HAGHL: variants seen among roughly 807,000 people sequenced by gnomAD.
HAGHL encodes the protein hydroxyacylglutathione hydrolase like, also known as hydroxyacylglutathione hydrolase-like protein.
HAGHL carries 27 observed loss-of-function variants against 29.2 expected under a neutral mutation model. The observed-to-expected ratio is 0.92, with a 90% CI of 0.68 to 1.27. HAGHL has a LOEUF of 1.27. Among genes scored for constraint, HAGHL ranks in the 50% most tolerant of loss-of-function variants. The pLI is 0.00. For synonymous variants in HAGHL, 223 were observed against 185.7 expected (o/e 1.20, Z -1.63); for missense variants, 529 against 405.5 (o/e 1.30, Z -2.62).
At chr16:728,927 TG>T (rs747918697) in intron 6 of HAGHL, 32 bp downstream of exon 6, 133 of 235,638 alleles carry the variant, frequency 5.6e-4, no homozygotes, top group Middle Eastern at 3.2e-3. Context: ...GGCAAGAGGG[TG>T]GGGGGGGAGG....
chr16:729,471 C>T lies in HAGHL; in HGVS notation c.*15C>T. ...CACACGACTGAGCCACCCAGACCCT[C>T]ACAGGGCTGGGGCCTGCGTCCCTCC... On this transcript the variant is annotated 3_prime_UTR_variant, in exon 8 of 8. Transcript: ENST00000389703. The T allele has an allele frequency of 1.3e-6, 2 of 1,539,570 alleles. No homozygotes were observed. Among genetic ancestry groups the T allele is most frequent in the Non-Finnish European group, 1.7e-6 (2 of 1,146,170 alleles).
Position 729,421 on chromosome 16 carries a change from C to T in HAGHL, c.814C>T (p.Gln272Ter), listed in dbSNP as rs2041237401. 6.5e-7 allele frequency: 1 copy of T among 1,532,254 alleles called. No homozygotes were observed. The highest frequency in any genetic ancestry group is 8.7e-7 in the Non-Finnish European group (1 of 1,143,204). 94.9% of individuals were successfully genotyped at this position (1,532,254 alleles called of 1,614,324 possible). A position where few individuals can be genotyped will look rare whatever the true frequency, so the allele number is the denominator to read the frequency against. The change falls in exon 8 of 8, where the codon CAG becomes TAG. Residue 272 changes from glutamine to a stop codon, truncating the protein, a stop_gained. Coordinates refer to ENST00000389703, the MANE Select transcript of HAGHL (RefSeq NM_032304.4). LOFTEE classifies it high-confidence loss of function. ...QPQARALLAL[Q>*]WGLLSAAPHD ...ACAGGCGCGGGCCCTCCTTGCGCTGCAGTGGGGGCTCCTGAGTGCAGCCCC... is the reference window on the plus strand; with the variant it reads ...ACAGGCGCGGGCCCTCCTTGCGCTGTAGTGGGGGCTCCTGAGTGCAGCCCC...
chr16:729,528 G>A lies in HAGHL; in HGVS notation c.*72G>A, dbSNP rs967636456. On this transcript the variant is annotated 3_prime_UTR_variant, in exon 8 of 8. Transcript: ENST00000389703. ...CCTCGGCCAGCTGGACCCACATGAG[G>A]GCCACCTCTGGAACCTTCTTCGAGG... 5.9e-6 allele frequency: 9 copies of A among 1,534,592 alleles called. No individual in the cohort carries two copies. The highest frequency in any genetic ancestry group is 1.4e-5 in the African/African-American group (1 of 72,962).
At position 728,396 on chromosome 16, in the gene HAGHL, T is replaced by G. The variant is rs1443842598; in HGVS notation, c.369T>G (p.Asp123Glu). 5.7e-6 allele frequency: 9 copies of G among 1,573,274 alleles called. No individual in the cohort carries two copies. Among genetic ancestry groups the G allele is most frequent in the Non-Finnish European group, 7.7e-6 (9 of 1,163,402 alleles). The part of the protein sequence containing the change: ...GHMSYFLWED[D>E]CPDPPALFSG... ...TGAGCTACTTCCTGTGGGAGGACGATTGCCCGGACCCACCCGCCCTGTTCT... is the reference window on the plus strand; with the variant it reads ...TGAGCTACTTCCTGTGGGAGGACGAGTGCCCGGACCCACCCGCCCTGTTCT... Residue 123 changes from aspartate to glutamate, a missense_variant, in exon 4 of 8, where the codon GAT (aspartate) becomes GAG (glutamate). Transcript: ENST00000389703.
In HAGHL at chr16:728,834, A is replaced by G. The variant is rs773681350; in HGVS notation, c.539A>G (p.Glu180Gly). ...CACGAGCACACGCTTAGCAACCTGG[A>G]GTTTGCCCAGAAAGTGGAGCCCTGC... ...CGHEHTLSNLEFAQKVEPCND... is the reference protein window; with the variant it reads ...CGHEHTLSNLGFAQKVEPCND... The change falls in exon 6 of 8, where the codon GAG becomes GGG. Residue 180 changes from glutamate (E) to glycine (G), a missense_variant. Coordinates refer to ENST00000389703, the MANE Select transcript of HAGHL (RefSeq NM_032304.4). 1.3e-6 allele frequency: 2 copies of G among 1,599,914 alleles called. No homozygotes were observed. The highest frequency in any genetic ancestry group is 1.7e-5 in the Admixed American group (1 of 59,328).
intron 2 of HAGHL, 36 bp downstream of exon 2, chr16:728,065 G>C (rs2041124399): frequency 6.4e-7 from 1 of 1,560,990 alleles, no homozygotes; most frequent in African/African-American, 1.4e-5. Flanking sequence ...GCACGAGGAC[G>C]CCGCCTTGTC....
rs1567333709 is a variant in HAGHL at position 727,584 on chromosome 16, G to GGTGGCC, written c.80_85dup (p.Ala27_Val28dup). ...TCATCGAGGAGCTCACGCGCGAGGCGGTGGCCGTGGACGTGGCTGTGCCCA... is the reference window on the plus strand; with the variant it reads ...TCATCGAGGAGCTCACGCGCGAGGCGGTGGCCGTGGCCGTGGACGTGGCTGTGCCCA... On this transcript the variant is annotated inframe_insertion, in exon 1 of 8. Transcript: ENST00000389703. 1 of 1,611,366 alleles carries GGTGGCC rather than the reference G, an allele frequency of 6.2e-7. No homozygotes were observed. The highest frequency in any genetic ancestry group is 2.2e-5 in the East Asian group (1 of 44,804).
chr16:727,299 T>G lies in HAGHL; in HGVS notation c.-211T>G. 2.0e-6 allele frequency: 1 copy of G among 499,672 alleles called. No individual in the cohort carries two copies. The highest frequency in any genetic ancestry group is 3.6e-5 in the East Asian group (1 of 27,806). 31.0% of individuals were successfully genotyped at this position (499,672 alleles called of 1,614,324 possible). A position where few individuals can be genotyped will look rare whatever the true frequency, so the allele number is the denominator to read the frequency against. On this transcript the variant is annotated 5_prime_UTR_variant, in exon 1 of 8. Transcript: ENST00000389703. ...GGGGCTGGTTGGGGACCGGCCGGGTTCCGCTCCTGCTGGAGCCCGGTGCGT... is the reference window on the plus strand; with the variant it reads ...GGGGCTGGTTGGGGACCGGCCGGGTGCCGCTCCTGCTGGAGCCCGGTGCGT...
chr16:727,548 C>T lies in HAGHL; in HGVS notation c.39C>T (p.Tyr13=). The T allele has an allele frequency of 1.2e-6, 2 of 1,611,932 alleles. No homozygotes were observed. The highest frequency in any genetic ancestry group is 1.7e-6 in the Non-Finnish European group (2 of 1,179,438). ...TCATCCCCGTGCTCGAGGACAACTA[C>T]ATGTACCTGGTCATCGAGGAGCTCA... ...VKVIPVLEDN[Y]MYLVIEELTR... Residue 13 remains tyrosine (Y), a synonymous_variant, in exon 1 of 8, where the codon TAC becomes TAT. Coordinates refer to ENST00000389703, the MANE Select transcript of HAGHL (RefSeq NM_032304.4).
Position 727,956 on chromosome 16 carries a change from C to T in HAGHL, c.106-9C>T, listed in dbSNP as rs780608489. On this transcript the variant is annotated splice_polypyrimidine_tract_variant and intron_variant, in intron 1 of 7. Coordinates refer to ENST00000389703, the MANE Select transcript of HAGHL (RefSeq NM_032304.4). ...CCGTCTGTGTTACCGTCACTCCCGTCCCTTTCAGCTGCTGGAGATCGTGGG... is the reference window on the plus strand; with the variant it reads ...CCGTCTGTGTTACCGTCACTCCCGTTCCTTTCAGCTGCTGGAGATCGTGGG... The T allele has an allele frequency of 6.8e-6, 11 of 1,606,330 alleles. No individual in the cohort carries two copies. Among genetic ancestry groups the T allele is most frequent in the Non-Finnish European group, 9.3e-6 (11 of 1,177,634 alleles).
intron 1 of HAGHL, 46 bp from the exon 2 acceptor site, chr16:727,919 G>A (rs1371736476): frequency 3.2e-6 from 5 of 1,564,372 alleles, no homozygotes; most frequent in Non-Finnish European, 4.4e-6. Flanking sequence ...TGGAGGGAGT[G>A]GGCCACCGGG....
chr16:727,837 C>T (rs922315970), intron 1 of HAGHL, 128 bp from the exon 2 acceptor site: 4 of 1,046,056 alleles, frequency 3.8e-6, no homozygotes, highest in Non-Finnish European at 5.7e-6. Context: ...TCACCGCCCG[C>T]TGGGTCCCCG....
Position 729,483 on chromosome 16 carries a change from G to A in HAGHL, c.*27G>A. 1 of 1,538,468 alleles carries A rather than the reference G, an allele frequency of 6.5e-7. No homozygotes were observed. Among genetic ancestry groups the A allele is most frequent in the East Asian group, 2.4e-5 (1 of 40,896 alleles). On this transcript the variant is annotated 3_prime_UTR_variant, in exon 8 of 8. Coordinates refer to ENST00000389703, the MANE Select transcript of HAGHL (RefSeq NM_032304.4). Reference sequence around the variant, plus strand: ...CCACCCAGACCCTCACAGGGCTGGGGCCTGCGTCCCTCCTCGTGACCTCGG... The same window carrying A: ...CCACCCAGACCCTCACAGGGCTGGGACCTGCGTCCCTCCTCGTGACCTCGG...
rs1466971809 is a variant in HAGHL at position 729,381 on chromosome 16, C to A, written c.774C>A (p.Gly258=). Residue 258 remains glycine, a synonymous_variant, in exon 8 of 8, where the codon GGC becomes GGA. Coordinates refer to ENST00000389703, the MANE Select transcript of HAGHL (RefSeq NM_032304.4). The part of the protein sequence containing the change: ...CKERARFEQA[G]EPRQPQARAL... Reference sequence around the variant, plus strand: ...AGCGGGCGCGCTTCGAACAGGCGGGCGAGCCGCGGCAGCCACAGGCGCGGG... The same window carrying A: ...AGCGGGCGCGCTTCGAACAGGCGGGAGAGCCGCGGCAGCCACAGGCGCGGG... The A allele has an allele frequency of 4.1e-5, 62 of 1,525,772 alleles. No individual in the cohort carries two copies. The highest frequency in any genetic ancestry group is 5.1e-5 in the Non-Finnish European group (58 of 1,140,156). 94.5% of individuals were successfully genotyped at this position (1,525,772 alleles called of 1,614,324 possible). A position where few individuals can be genotyped will look rare whatever the true frequency, so the allele number is the denominator to read the frequency against.
chr16:727,573 A>G lies in HAGHL; in HGVS notation c.64A>G (p.Thr22Ala). 6.2e-7 allele frequency: 1 copy of G among 1,611,804 alleles called. No individual in the cohort carries two copies. The highest frequency in any genetic ancestry group is 8.5e-7 in the Non-Finnish European group (1 of 1,179,384). Residue 22 changes from threonine (T) to alanine (A), a missense_variant, in exon 1 of 8, where the codon ACG becomes GCG. Thr to Ala is a moderately conservative substitution (Grantham distance 58, BLOSUM62 0). Transcript: ENST00000389703. Reference protein sequence around the residue: ...NYMYLVIEELTREAVAVDVAV... With the variant: ...NYMYLVIEELAREAVAVDVAV... ...CATGTACCTGGTCATCGAGGAGCTC[A>G]CGCGCGAGGCGGTGGCCGTGGACGT... is the stretch of plus-strand genomic sequence containing the variant.
chr16:728,563 T>C lies in HAGHL; in HGVS notation c.457T>C (p.Tyr153His). The C allele has an allele frequency of 6.6e-7, 1 of 1,523,944 alleles. No homozygotes were observed. The highest frequency in any genetic ancestry group is 8.8e-7 in the Non-Finnish European group (1 of 1,141,960). 94.4% of individuals were successfully genotyped at this position (1,523,944 alleles called of 1,614,324 possible). The change falls in exon 5 of 8, where the codon TAC (tyrosine) becomes CAC (histidine). Residue 153 changes from tyrosine to histidine, a missense_variant. By Grantham distance (83) the Tyr-to-His change is moderately conservative. Coordinates refer to ENST00000389703, the MANE Select transcript of HAGHL (RefSeq NM_032304.4). ...SCLEGSAQQM[Y>H]QSLAELGTLP... is the part of the protein sequence containing the mutation. Reference sequence around the variant, plus strand: ...CCTGGAGGGCAGCGCCCAGCAGATGTACCAGAGCCTGGCCGAGCTGGGTAC... The same window carrying C: ...CCTGGAGGGCAGCGCCCAGCAGATGCACCAGAGCCTGGCCGAGCTGGGTAC...
intron 5 of HAGHL, 43 bp from the exon 6 acceptor site, chr16:728,751 G>C (rs746130012): frequency 1.9e-6 from 3 of 1,588,070 alleles, no homozygotes; most frequent in Non-Finnish European, 2.6e-6. Context: ...CACTTTCCCC[G>C]CTTCCTGGCC....
Position 728,250 on chromosome 16 carries a change from GGGA to G in HAGHL, c.288+20_288+22del. The G allele has an allele frequency of 6.7e-7, 1 of 1,498,520 alleles. No homozygotes were observed. The highest frequency in any genetic ancestry group is 8.8e-7 in the Non-Finnish European group (1 of 1,130,218). 92.8% of individuals were successfully genotyped at this position (1,498,520 alleles called of 1,614,324 possible). ...GAGCTGCGGGTGAGCGCGCGCTCCC[GGGA>G]GGGGCGGGGAGGGCGCCCCGGGTCC... On this transcript the variant is annotated intron_variant, in intron 3 of 7. Coordinates refer to ENST00000389703, the MANE Select transcript of HAGHL (RefSeq NM_032304.4).
intron 1 of HAGHL, 87 bp downstream of exon 1, chr16:727,701 C>A: frequency 2.3e-6 from 2 of 887,634 alleles, no homozygotes; most frequent in Non-Finnish European, 1.8e-6. Context: ...CCCCCACGTG[C>A]TCTGCTCTCC....
Sources: gnomAD v4.1 joint callset for allele counts on GRCh38, gnomAD v4.1.1 for gene constraint, MANE v1.5 for transcripts, NCBI Gene and HGNC (gene_info 2026-07-23, HGNC 2026-07-21) for gene names.